Variants in FRAS1 observed in about 807,000 individuals in gnomAD.
FRAS1 encodes extracellular matrix organizing protein FRAS1.
In FRAS1, 290 loss-of-function variants were observed where a neutral mutation model predicts 435.2. The ratio of observed to expected loss-of-function variants is 0.67; its 90% CI spans 0.61 to 0.73. The LOEUF (loss-of-function observed/expected upper bound fraction) is 0.73, where lower values mean the gene tolerates loss of function less well. Among genes scored for constraint, FRAS1 ranks in the 30% least tolerant of loss-of-function variants. The probability of loss-of-function intolerance (pLI) is 0.00; values close to 1 mark genes in which losing one functional copy is unlikely to be tolerated. For missense variants in FRAS1, 4,860 were observed against 5,001.5 expected (o/e 0.97, Z 0.85); for synonymous variants, 1,800 against 1,851.0 (o/e 0.97, Z 0.71).
At chr4:78,096,058 A>C (rs999955868) in intron 2 of FRAS1, among the ~76,000 whole-genome samples, 10 of 152,216 alleles carry the variant, frequency 6.6e-5, no homozygotes, top group African/African-American at 2.4e-4. Flanking sequence ...GTTACTTCCT[A>C]GATACAATGG....
intron 58 of FRAS1, among the ~76,000 whole-genome samples, chr4:78,483,798 A>ATAT (rs1491045148): frequency 3.8e-4 from 27 of 71,490 alleles, no homozygotes; most frequent in East Asian, 1.2e-3. Context: ...ATATATATAT[A>ATAT]AAATTATGTA....
rs557076128 is a variant in FRAS1, at chr4:78,519,118, G to C, written c.10390-213G>C. On this transcript the variant is annotated intron_variant, in intron 66 of 73. Coordinates refer to ENST00000512123, the MANE Select transcript of FRAS1 (RefSeq NM_025074.7). ...CCTCCTTAGAGAAGCCTCTGCACGTGACCCTGTCGAAAGAAGCATCCCGGC... is the reference window on the plus strand; with the variant it reads ...CCTCCTTAGAGAAGCCTCTGCACGTCACCCTGTCGAAAGAAGCATCCCGGC... 7.9e-5 allele frequency among the ~76,000 whole-genome samples: 12 copies of C among 152,264 alleles called. No individual in the cohort carries two copies. The South Asian group carries it at 2.5e-3, about 32-fold the overall frequency.
Position 78,208,021 on chromosome 4 carries a change from C to G in FRAS1, c.109-29489C>G, listed in dbSNP as rs77789078. 0.02 allele frequency among the ~76,000 whole-genome samples: 3,119 copies of G among 152,264 alleles called. 308 individuals are homozygous for G. The East Asian group carries it at 0.31, about 15-fold the overall frequency. ...AAAGCCGAGGGAACCCACATACCCT[C>G]TGAAGGAAGTGGATAGCTCCTGCAG... On this transcript the variant is annotated intron_variant, in intron 2 of 73. Coordinates refer to ENST00000512123, the MANE Select transcript of FRAS1 (RefSeq NM_025074.7).
intron 2 of FRAS1, among the ~76,000 whole-genome samples, chr4:78,173,782 A>T (rs17003018): frequency 2.6e-5 from 4 of 151,976 alleles, no homozygotes; most frequent in African/African-American, 9.7e-5. Context: ...AAGACATTCT[A>T]ATTTCTTACT....
At chr4:78,335,119 C>A (rs385366) in intron 19 of FRAS1, among the ~76,000 whole-genome samples, 70,123 of 151,784 alleles carry the variant, frequency 0.46, 16,383 homozygotes, top group Non-Finnish European at 0.48. Flanking sequence ...GACACTAGGG[C>A]GATCTTTTAC....
intron 2 of FRAS1, among the ~76,000 whole-genome samples, chr4:78,089,924 A>G (rs1741424125): frequency 6.6e-6 from 1 of 152,000 alleles, no homozygotes; most frequent in South Asian, 2.1e-4. Flanking sequence ...CTCCATCCTT[A>G]AGTAGGCTCC....
At chr4:78,192,685 A>G (rs956846901) in intron 2 of FRAS1, among the ~76,000 whole-genome samples, 7 of 152,054 alleles carry the variant, frequency 4.6e-5, no homozygotes, top group African/African-American at 1.7e-4. Flanking sequence ...TAGTCTTGCT[A>G]GTGGTCTATC....
chr4:78,509,131 G>A (rs902765431), intron 63 of FRAS1, 125 bp downstream of exon 63: 8 of 1,063,350 alleles, frequency 7.5e-6, no homozygotes, highest in East Asian at 2.5e-5. Flanking sequence ...AAATAAGCAG[G>A]TGCACAGTCT....
At chr4:78,375,025 C>T (rs1000591829) in intron 25 of FRAS1, among the ~76,000 whole-genome samples, 45 of 152,178 alleles carry the variant, frequency 3.0e-4, no homozygotes, top group Admixed American at 1.9e-3. Context: ...GATTCTAATC[C>T]GGGGCCCTTT....
chr4:78,395,183 TTC>T (rs539132974), intron 29 of FRAS1, among the ~76,000 whole-genome samples: 1 of 152,016 alleles, frequency 6.6e-6, no homozygotes, highest in Non-Finnish European at 1.5e-5. Context: ...TTTTGTTTCT[TTC>T]TGTTGCCTAA....
At chr4:78,418,160 A>C (rs1733626105) in intron 32 of FRAS1, among the ~76,000 whole-genome samples, 1 of 152,214 alleles carries the variant, frequency 6.6e-6, no homozygotes, top group Non-Finnish European at 1.5e-5. Context: ...TCATTCATTC[A>C]CTGGGTCCTG....
chr4:78,089,134 A>G (rs1741365898), intron 2 of FRAS1, among the ~76,000 whole-genome samples: 1 of 152,066 alleles, frequency 6.6e-6, no homozygotes, highest in Non-Finnish European at 1.5e-5. Flanking sequence ...TTGTAGGGAC[A>G]TGGATGAAGC....
At position 78,286,402 on chromosome 4, in the gene FRAS1, C is replaced by T; in HGVS notation, c.1400-3C>T. The T allele has an allele frequency of 6.2e-7, 1 of 1,613,380 alleles. No individual in the cohort carries two copies. Among genetic ancestry groups the T allele is most frequent in the Non-Finnish European group, 8.5e-7 (1 of 1,179,880 alleles). On this transcript the variant is annotated splice_region_variant and splice_polypyrimidine_tract_variant and intron_variant, in intron 13 of 73. Transcript: ENST00000512123. ...CTCTTTCTTCAACATTATCTGGAGT[C>T]AGCCTGCCAGCCCCAGTGCTCCACG...
At chr4:78,275,206 G>T (rs1401938953) in intron 9 of FRAS1, among the ~76,000 whole-genome samples, 1 of 152,096 alleles carries the variant, frequency 6.6e-6, no homozygotes, top group Non-Finnish European at 1.5e-5. Context: ...GACTATGTGT[G>T]TCTCTGCACA....
intron 2 of FRAS1, among the ~76,000 whole-genome samples, chr4:78,230,996 C>T (rs970124649): frequency 2.6e-5 from 4 of 152,060 alleles, no homozygotes; most frequent in East Asian, 1.9e-4. Context: ...ACACTGTTGC[C>T]GGTGCTGGAG....
At chr4:78,359,393 ACT>A (rs1249505610) in intron 20 of FRAS1, among the ~76,000 whole-genome samples, 4 of 152,058 alleles carry the variant, frequency 2.6e-5, no homozygotes, top group Non-Finnish European at 4.4e-5. Context: ...CTCCCAAGAA[ACT>A]CTCTCCTACA....
intron 2 of FRAS1, among the ~76,000 whole-genome samples, chr4:78,189,359 A>G (rs17003038): frequency 0.02 from 3,027 of 152,296 alleles, 107 homozygotes; most frequent in African/African-American, 0.069. Flanking sequence ...GACTGCCATA[A>G]TCATTTTCTC....
chr4:78,527,286 C>T (rs913750806), intron 70 of FRAS1, among the ~76,000 whole-genome samples: 19 of 151,990 alleles, frequency 1.3e-4, no homozygotes, highest in African/African-American at 4.6e-4. Context: ...AGCCCATATT[C>T]ACCTCAGACC....
At position 78,363,519 on chromosome 4, in the gene FRAS1, A is replaced by G; in HGVS notation, c.2429A>G (p.His810Arg). 1.9e-6 allele frequency: 3 copies of G among 1,610,528 alleles called. No homozygotes were observed. Among genetic ancestry groups the G allele is most frequent in the Non-Finnish European group, 2.5e-6 (3 of 1,177,954 alleles). Residue 810 changes from histidine (H) to arginine (R), a missense_variant, in exon 21 of 74, where the codon CAT (histidine) becomes CGT (arginine). Transcript: ENST00000512123. The part of the protein sequence containing the change: ...LNLVGYCADC[H>R]HLCQHCAADL... ...GCTCCCCTTCCCCCTCCAGACTGCC[A>G]TCACCTGTGCCAGCACTGTGCAGCT...
Sources: gnomAD v4.1 joint callset for allele counts (sites outside exome capture counted in the v4.1 genomes callset) on GRCh38, gnomAD v4.1.1 for gene constraint, MANE v1.5 for transcripts, NCBI Gene and HGNC (gene_info 2026-07-23, HGNC 2026-07-21) for gene names.